CACHD1: variants seen among roughly 807,000 people sequenced by gnomAD.
CACHD1 encodes cache domain containing 1.
Under a neutral mutation model 138.7 loss-of-function variants are expected in CACHD1, and 71 were observed. That is an observed-to-expected ratio of 0.51 (90% CI 0.42 to 0.62). The LOEUF is 0.62. Among genes scored for constraint, CACHD1 ranks in the 20% least tolerant of loss-of-function variants. The probability of loss-of-function intolerance (pLI) is 0.00; values close to 1 mark genes in which losing one functional copy is unlikely to be tolerated. For synonymous variants in CACHD1, 578 were observed against 591.5 expected, an observed-to-expected ratio of 0.98 and a Z score of 0.33; for missense variants, 1,389 against 1,625.3, an observed-to-expected ratio of 0.85 and a Z score of 2.50.
In CACHD1 at chr1:64,682,003, A is replaced by T; in HGVS notation, c.3485-2A>T. The T allele has an allele frequency of 6.2e-7, 1 of 1,613,976 alleles. No individual in the cohort carries two copies. Among genetic ancestry groups the T allele is most frequent in the Admixed American group, 1.7e-5 (1 of 60,024 alleles). ...ACATTAACTGTCCTTGGCTTCCTAC[A>T]GTCAGCAACACTCGGTTTATAGCTG... On this transcript the variant is annotated splice_acceptor_variant, in intron 25 of 26. Coordinates refer to ENST00000651257, the MANE Select transcript of CACHD1 (RefSeq NM_020925.4). LOFTEE classifies it high-confidence loss of function.
At chr1:64,636,540 T>C (rs138327599) in intron 7 of CACHD1, among the ~76,000 whole-genome samples, 1 of 152,280 alleles carries the variant, frequency 6.6e-6, no homozygotes, top group East Asian at 1.9e-4. Context: ...CTAAGGTTCA[T>C]TCATGCTAAG....
chr1:64,666,848 CAAAAAAAAAA>C (rs946649209), intron 16 of CACHD1, among the ~76,000 whole-genome samples: 1 of 33,956 alleles, frequency 2.9e-5, no homozygotes, highest in Admixed American at 2.7e-4. Context: ...GATCCTGTCT[CAAAAAAAAAA>C]AAAAAAAAAA....
intron 13 of CACHD1, among the ~76,000 whole-genome samples, chr1:64,660,362 A>G (rs938856793): frequency 9.9e-5 from 15 of 152,154 alleles, no homozygotes; most frequent in Non-Finnish European, 5.9e-5. Context: ...GCTATTGGGC[A>G]CTTTAAATAT....
At chr1:64,491,612 T>C (rs1646275326) in intron 1 of CACHD1, among the ~76,000 whole-genome samples, 1 of 152,076 alleles carries the variant, frequency 6.6e-6, no homozygotes, top group Non-Finnish European at 1.5e-5. Context: ...CCCTGACACA[T>C]GAGAATTACA....
At chr1:64,649,059 G>A (rs1649004237) in intron 9 of CACHD1, among the ~76,000 whole-genome samples, 2 of 152,138 alleles carry the variant, frequency 1.3e-5, no homozygotes, top group South Asian at 4.2e-4. Context: ...TTTATGTTTT[G>A]TTAGCTAGGA....
chr1:64,485,041 G>T (rs1174795744), intron 1 of CACHD1, among the ~76,000 whole-genome samples: 1 of 152,176 alleles, frequency 6.6e-6, no homozygotes, highest in East Asian at 1.9e-4. Flanking sequence ...CCGAGAAACT[G>T]CCGTACTGTT....
intron 2 of CACHD1, among the ~76,000 whole-genome samples, chr1:64,570,566 G>A (rs536690901): frequency 1.3e-5 from 2 of 152,214 alleles, no homozygotes; most frequent in Admixed American, 6.5e-5. Context: ...TAGAAAGCAG[G>A]CATGCCCCAG....
intron 3 of CACHD1, among the ~76,000 whole-genome samples, chr1:64,587,737 G>A (rs912454873): frequency 3.9e-5 from 6 of 152,012 alleles, no homozygotes; most frequent in Admixed American, 2.6e-4. Context: ...AATTTAATTC[G>A]CAGCTCCCTT....
rs142992681 is a variant in CACHD1, at chr1:64,649,328, C to T, written c.1390+1294C>T. Among the ~76,000 whole-genome samples, 68 of 152,288 alleles carry T rather than the reference C, an allele frequency of 4.5e-4. 1 individual carries two copies. The East Asian group carries it at 0.013, about 29-fold the overall frequency. ...CCTCCCACCTTTGCCTCCTAAAGTG[C>T]AGTTGTGGGCCACCATCCCCAGCCT... On this transcript the variant is annotated intron_variant, in intron 9 of 26. Coordinates refer to ENST00000651257, the MANE Select transcript of CACHD1 (RefSeq NM_020925.4).
chr1:64,659,873 C>G (rs918487793), intron 13 of CACHD1, among the ~76,000 whole-genome samples: 1 of 152,214 alleles, frequency 6.6e-6, no homozygotes, highest in Non-Finnish European at 1.5e-5. Context: ...TCTGCAGTCT[C>G]TAGATTCCAA....
chr1:64,614,152 T>A lies in CACHD1; in HGVS notation c.517+11240T>A, dbSNP rs140372064. Among the ~76,000 whole-genome samples the A allele has an allele frequency of 2.0e-4, 31 of 152,360 alleles. No individual in the cohort carries two copies. The East Asian group carries it at 5.8e-3, about 28-fold the overall frequency. Reference sequence around the variant, plus strand: ...GTATGAATAAATAAGTGAATATTTGTCAAGTATTCACTAAGTACTAGACCC... The same window carrying A: ...GTATGAATAAATAAGTGAATATTTGACAAGTATTCACTAAGTACTAGACCC... On this transcript the variant is annotated intron_variant, in intron 4 of 26. Transcript: ENST00000651257.
rs550195719 is a variant in CACHD1 at position 64,609,290 on chromosome 1, C to A, written c.517+6378C>A. Among the ~76,000 whole-genome samples the A allele has an allele frequency of 2.1e-3, 317 of 152,286 alleles. 2 individuals are homozygous for A. The highest frequency in any genetic ancestry group is 7.1e-3 in the African/African-American group (296 of 41,574). On this transcript the variant is annotated intron_variant, in intron 4 of 26. Coordinates refer to ENST00000651257, the MANE Select transcript of CACHD1 (RefSeq NM_020925.4). Reference sequence around the variant, plus strand: ...TCTACCTGAAATAAAGAAGAAAAATCAACCAAGCTAGAAATTTCTCATTCC... The same window carrying A: ...TCTACCTGAAATAAAGAAGAAAAATAAACCAAGCTAGAAATTTCTCATTCC...
chr1:64,541,329 A>G (rs1461779021), intron 1 of CACHD1, among the ~76,000 whole-genome samples: 4 of 152,252 alleles, frequency 2.6e-5, no homozygotes, highest in Non-Finnish European at 5.9e-5. Flanking sequence ...TAAAGACTGG[A>G]AGGAAATAAA....
intron 5 of CACHD1, among the ~76,000 whole-genome samples, chr1:64,631,203 A>G (rs370827911): frequency 1.8e-4 from 27 of 152,374 alleles, no homozygotes; most frequent in African/African-American, 6.5e-4. Context: ...ATGTGAATTG[A>G]ATTTTAACAA....
At chr1:64,639,340 A>G (rs1648625408) in intron 7 of CACHD1, among the ~76,000 whole-genome samples, 1 of 152,220 alleles carries the variant, frequency 6.6e-6, no homozygotes. Flanking sequence ...TTATAAAATA[A>G]TTTACTGAAC....
At position 64,682,005 on chromosome 1, in the gene CACHD1, T is replaced by C. The variant is rs756927839; in HGVS notation, c.3485T>C (p.Ile1162Thr). ...DDDSHEDRGI[I>T]SNTRFIAAVI... The stretch of plus-strand genomic sequence containing the variant: ...ATTAACTGTCCTTGGCTTCCTACAG[T>C]CAGCAACACTCGGTTTATAGCTGCG... Residue 1162 changes from isoleucine (I) to threonine (T), a missense_variant and splice_region_variant, in exon 26 of 27, where the codon ATC becomes ACC. Transcript: ENST00000651257. 4 of 1,613,946 alleles carry C rather than the reference T, an allele frequency of 2.5e-6. No homozygotes were observed. In the South Asian group the frequency reaches 4.4e-5, roughly 18 times the overall value.
intron 1 of CACHD1, among the ~76,000 whole-genome samples, chr1:64,527,703 G>A (rs1646551779): frequency 6.6e-6 from 1 of 152,050 alleles, no homozygotes; most frequent in Non-Finnish European, 1.5e-5. Flanking sequence ...TTACTAACAT[G>A]GATAATATTG....
Position 64,470,815 on chromosome 1 carries a change from G to A in CACHD1, c.71G>A (p.Cys24Tyr). Residue 24 changes from cysteine to tyrosine, a missense_variant, in exon 1 of 27, where the codon TGC becomes TAC. Cys to Tyr is a radical substitution (Grantham distance 194). Transcript: ENST00000651257. The surrounding 1 kb of genome is among the most constrained non-coding windows in gnomAD (Gnocchi z 5.2). ...RARRPPLWLLCLVACWLLGAG... is the reference protein window; with the variant it reads ...RARRPPLWLLYLVACWLLGAG... ...CGGCGGCCGCCCCTCTGGCTGCTCT[G>A]CCTGGTCGCGTGCTGGCTCCTGGGC... 6.8e-7 allele frequency: 1 copy of A among 1,462,662 alleles called. No individual in the cohort carries two copies. Among genetic ancestry groups the A allele is most frequent in the Non-Finnish European group, 9.3e-7 (1 of 1,072,926 alleles). The allele number at this position is 1,462,662 out of a possible 1,614,324, so 90.6% of individuals were successfully genotyped here. A position where few individuals can be genotyped will look rare whatever the true frequency, so the allele number is the denominator to read the frequency against.
chr1:64,512,857 G>A (rs1646432896), intron 1 of CACHD1, among the ~76,000 whole-genome samples: 1 of 152,154 alleles, frequency 6.6e-6, no homozygotes, highest in East Asian at 1.9e-4. Context: ...CACCATTTAA[G>A]TGACTTCTGG....
Sources: gnomAD v4.1 joint callset for allele counts (sites outside exome capture counted in the v4.1 genomes callset) on GRCh38, gnomAD v4.1.1 for gene constraint, Gnocchi (gnomAD v3.1) non-coding constraint, MANE v1.5 for transcripts, NCBI Gene and HGNC (gene_info 2026-07-23, HGNC 2026-07-21) for gene names.